The following EPHB1 variants were observed in gnomAD, a reference collection of about 807,000 sequenced individuals.
EPHB1 encodes the protein EPH receptor B1, also known as ephrin type-B receptor 1.
EPHB1 carries 30 observed loss-of-function variants against 94.4 expected under a neutral mutation model. The observed-to-expected ratio is 0.32, with a 90% CI of 0.24 to 0.43. The LOEUF (loss-of-function observed/expected upper bound fraction) is 0.43. Among genes scored for constraint, EPHB1 ranks in the 20% least tolerant of loss-of-function variants. EPHB1 has a pLI of 1.00. For missense variants in EPHB1, 1,055 were observed against 1,308.3 expected, an observed-to-expected ratio of 0.81 and a Z score of 2.99; for synonymous variants, 522 against 489.1, an observed-to-expected ratio of 1.07 and a Z score of -0.89.
intron 3 of EPHB1, among the ~76,000 whole-genome samples, chr3:135,025,438 A>G (rs1360882337): frequency 2.3e-5 from 2 of 88,108 alleles, no homozygotes; most frequent in Non-Finnish European, 4.3e-5. Context: ...TTCAGTTCCC[A>G]CCTATGAGTG....
At chr3:135,226,754 A>G (rs1943413577) in intron 12 of EPHB1, among the ~76,000 whole-genome samples, 1 of 152,162 alleles carries the variant, frequency 6.6e-6, no homozygotes, top group Admixed American at 6.5e-5. Context: ...GAAGAAAGAA[A>G]TCTCTAGAAT....
At chr3:135,014,348 A>G (rs989030761) in intron 3 of EPHB1, among the ~76,000 whole-genome samples, 1 of 152,142 alleles carries the variant, frequency 6.6e-6, no homozygotes, top group East Asian at 1.9e-4. Flanking sequence ...GCCCGACTTG[A>G]TTCTGAGAAC....
In EPHB1 at chr3:135,179,865, C is replaced by T; in HGVS notation, c.1765C>T (p.Pro589Ser). ...LQHYSTGRGS[P>S]GMKIYIDPFT... is the part of the protein sequence containing the mutation. Reference sequence around the variant, plus strand: ...TGCTTATCTCCTCCAACAAGGCTCCCCAGGGATGAAGATCTACATTGACCC... The same window carrying T: ...TGCTTATCTCCTCCAACAAGGCTCCTCAGGGATGAAGATCTACATTGACCC... Residue 589 changes from proline to serine, a missense_variant, in exon 10 of 16, where the codon CCA becomes TCA. Pro to Ser is a moderately conservative substitution (Grantham distance 74). Coordinates refer to ENST00000398015, the MANE Select transcript of EPHB1 (RefSeq NM_004441.5). 1 of 1,613,660 alleles carries T rather than the reference C, an allele frequency of 6.2e-7. No individual in the cohort carries two copies. The highest frequency in any genetic ancestry group is 8.5e-7 in the Non-Finnish European group (1 of 1,179,744).
intron 2 of EPHB1, among the ~76,000 whole-genome samples, chr3:134,949,306 G>T (rs905934330): frequency 1.3e-5 from 2 of 152,114 alleles, no homozygotes; most frequent in Non-Finnish European, 1.5e-5. Context: ...TGGATTAACT[G>T]CAGTTTAGAT....
chr3:134,912,242 T>C (rs985661786), intron 1 of EPHB1, among the ~76,000 whole-genome samples: 1 of 152,222 alleles, frequency 6.6e-6, no homozygotes, highest in Admixed American at 6.5e-5. Context: ...AGGTTTATTA[T>C]GCATGGTTCT....
At chr3:135,144,293 A>T (rs1940935637) in intron 5 of EPHB1, among the ~76,000 whole-genome samples, 1 of 152,218 alleles carries the variant, frequency 6.6e-6, no homozygotes, top group Non-Finnish European at 1.5e-5. Context: ...ATGGCCTCAG[A>T]TGCCCTGTCA....
chr3:135,126,313 C>G (rs1183768713), intron 4 of EPHB1, among the ~76,000 whole-genome samples: 1 of 152,158 alleles, frequency 6.6e-6, no homozygotes, highest in African/African-American at 2.4e-5. Flanking sequence ...TCTTGAGTAT[C>G]AAGTGTCCTT....
intron 2 of EPHB1, among the ~76,000 whole-genome samples, chr3:134,936,635 A>G (rs1004500582): frequency 1.3e-5 from 2 of 152,168 alleles, no homozygotes; most frequent in Non-Finnish European, 2.9e-5. Flanking sequence ...ATCGTGGCAC[A>G]TCCTTATCTC....
intron 2 of EPHB1, among the ~76,000 whole-genome samples, chr3:134,937,363 A>G (rs1261500613): frequency 6.6e-6 from 1 of 152,186 alleles, no homozygotes; most frequent in Non-Finnish European, 1.5e-5. Flanking sequence ...TTGAGGCCAG[A>G]TGTGGCTTTT....
chr3:134,821,404 T>C (rs2036378269), intron 1 of EPHB1, among the ~76,000 whole-genome samples: 1 of 150,650 alleles, frequency 6.6e-6, no homozygotes, highest in South Asian at 2.1e-4. Flanking sequence ...ATATTAGAAT[T>C]AAGAATCTGT....
chr3:134,925,163 C>T (rs1484725387), intron 1 of EPHB1, among the ~76,000 whole-genome samples: 2 of 152,146 alleles, frequency 1.3e-5, no homozygotes, highest in East Asian at 1.9e-4. Flanking sequence ...GCTGCTGTGG[C>T]CACCCTTGCC....
intron 3 of EPHB1, among the ~76,000 whole-genome samples, chr3:135,048,334 A>T (rs529154266): frequency 7.4e-6 from 1 of 135,538 alleles, no homozygotes; most frequent in Admixed American, 8.4e-5. Flanking sequence ...CATCACCAAC[A>T]TCATGGCTTA....
intron 10 of EPHB1, among the ~76,000 whole-genome samples, chr3:135,186,900 A>G (rs1035842048): frequency 6.6e-6 from 1 of 152,208 alleles, no homozygotes; most frequent in African/African-American, 2.4e-5. Flanking sequence ...CTTGAGGGCC[A>G]GGTTCTCAAA....
chr3:134,891,330 G>A (rs2037979592), intron 1 of EPHB1, among the ~76,000 whole-genome samples: 1 of 152,110 alleles, frequency 6.6e-6, no homozygotes. Context: ...GTCTCGTCTT[G>A]AACTCCTGAG....
chr3:135,126,433 G>T lies in EPHB1; in HGVS notation c.962-6281G>T, dbSNP rs141348067. ...AAAGGTTTCCTTTCCCATAGGTCAG[G>T]GGAGGACAATGAATACCAGATACCA... On this transcript the variant is annotated intron_variant, in intron 4 of 15. Transcript: ENST00000398015. Among the ~76,000 whole-genome samples, 7 of 152,274 alleles carry T rather than the reference G, an allele frequency of 4.6e-5. No homozygotes were observed. In the South Asian group the frequency reaches 6.2e-4, roughly 14 times the overall value.
chr3:134,841,020 C>CT (rs2036766260), intron 1 of EPHB1, among the ~76,000 whole-genome samples: 1 of 152,302 alleles, frequency 6.6e-6, no homozygotes, highest in African/African-American at 2.4e-5. Flanking sequence ...TATCTTGGGA[C>CT]TTCTTCTGGG....
At chr3:134,846,439 C>T (rs1268531985) in intron 1 of EPHB1, among the ~76,000 whole-genome samples, 7 of 152,192 alleles carry the variant, frequency 4.6e-5, no homozygotes, top group Admixed American at 3.9e-4. Flanking sequence ...TGCATTATTC[C>T]CTCCACGCAC....
chr3:135,043,039 G>C (rs538854734), intron 3 of EPHB1, among the ~76,000 whole-genome samples: 2 of 151,648 alleles, frequency 1.3e-5, no homozygotes, highest in East Asian at 3.9e-4. Flanking sequence ...GACAAGTTTC[G>C]CCACATTGCT....
intron 3 of EPHB1, among the ~76,000 whole-genome samples, chr3:134,968,444 G>A (rs1294722940): frequency 6.6e-6 from 1 of 152,168 alleles, no homozygotes; most frequent in Non-Finnish European, 1.5e-5. Flanking sequence ...ATATTTTAAA[G>A]TAAATTCCCT....
Sources: gnomAD v4.1 joint callset for allele counts (sites outside exome capture counted in the v4.1 genomes callset) on GRCh38, gnomAD v4.1.1 for gene constraint, MANE v1.5 for transcripts, NCBI Gene and HGNC (gene_info 2026-07-23, HGNC 2026-07-21) for gene names.